The following SORCS1 variants were observed in gnomAD, a reference collection of about 807,000 sequenced individuals.
The protein encoded by SORCS1 is sortilin related VPS10 domain containing receptor 1, also known as VPS10 domain-containing receptor SorCS1.
Under a neutral mutation model 146.1 loss-of-function variants are expected in SORCS1, and 60 were observed. That is an observed-to-expected ratio of 0.41 (90% CI 0.33 to 0.51). The LOEUF (loss-of-function observed/expected upper bound fraction) is 0.51. Among genes scored for constraint, SORCS1 ranks in the 20% least tolerant of loss-of-function variants. The probability of loss-of-function intolerance (pLI) is 0.21; values close to 1 mark genes in which losing one functional copy is unlikely to be tolerated. For synonymous variants in SORCS1, 637 were observed against 584.0 expected, an observed-to-expected ratio of 1.09 and a Z score of -1.31; for missense variants, 1,352 against 1,487.6, an observed-to-expected ratio of 0.91 and a Z score of 1.50.
intron 2 of SORCS1, among the ~76,000 whole-genome samples, chr10:106,941,120 G>A (rs892805784): frequency 3.3e-5 from 5 of 152,146 alleles, no homozygotes; most frequent in Admixed American, 6.5e-5. Flanking sequence ...AAATATTTTG[G>A]GAATTTGTTA....
chr10:106,949,256 G>A (rs147976527), intron 2 of SORCS1, among the ~76,000 whole-genome samples: 2 of 152,226 alleles, frequency 1.3e-5, no homozygotes, highest in African/African-American at 4.8e-5. Flanking sequence ...TTCTTTTTAG[G>A]ATGTGCATAT....
intron 1 of SORCS1, among the ~76,000 whole-genome samples, chr10:107,119,164 A>C (rs1449652887): frequency 6.6e-6 from 1 of 152,250 alleles, no homozygotes; most frequent in Non-Finnish European, 1.5e-5. Context: ...GGAAAAGGCA[A>C]AATATCAAAA....
intron 1 of SORCS1, among the ~76,000 whole-genome samples, chr10:106,990,483 T>C (rs1056414847): frequency 2.6e-5 from 4 of 152,064 alleles, no homozygotes; most frequent in East Asian, 1.9e-4. Flanking sequence ...TTGGCCAGGC[T>C]GGTCTCGAAC....
intron 2 of SORCS1, among the ~76,000 whole-genome samples, chr10:106,939,388 G>A (rs1953917573): frequency 6.8e-6 from 1 of 146,526 alleles, no homozygotes; most frequent in Non-Finnish European, 1.5e-5. Flanking sequence ...AACTCAGATA[G>A]TTCACACTGG....
intron 19 of SORCS1, among the ~76,000 whole-genome samples, chr10:106,625,894 G>A (rs944206882): frequency 3.3e-5 from 5 of 151,944 alleles, no homozygotes; most frequent in African/African-American, 1.2e-4. Flanking sequence ...TGCCCCATCC[G>A]ACTGAAGGCA....
chr10:106,690,052 C>A (rs977024182), intron 9 of SORCS1, among the ~76,000 whole-genome samples: 1 of 152,230 alleles, frequency 6.6e-6, no homozygotes, highest in African/African-American at 2.4e-5. Flanking sequence ...GCCAGACCAA[C>A]TTCTTGTGCA....
At chr10:107,110,994 C>T (rs1262672590) in intron 1 of SORCS1, among the ~76,000 whole-genome samples, 1 of 152,148 alleles carries the variant, frequency 6.6e-6, no homozygotes, top group Non-Finnish European at 1.5e-5. Flanking sequence ...CCCTCGTGGA[C>T]TCATGTGATC....
At chr10:106,949,644 G>T (rs1284929976) in intron 2 of SORCS1, among the ~76,000 whole-genome samples, 2 of 152,200 alleles carry the variant, frequency 1.3e-5, no homozygotes, top group Non-Finnish European at 2.9e-5. Context: ...CACATCAAAA[G>T]CCTAACACAT....
intron 1 of SORCS1, among the ~76,000 whole-genome samples, chr10:106,961,469 C>T (rs977909416): frequency 1.3e-5 from 2 of 152,178 alleles, no homozygotes; most frequent in Non-Finnish European, 2.9e-5. Flanking sequence ...CTATGCTTTT[C>T]TAAACAGAAG....
At chr10:106,673,577 T>C (rs563153131) in intron 14 of SORCS1, among the ~76,000 whole-genome samples, 15 of 152,320 alleles carry the variant, frequency 9.8e-5, no homozygotes, top group African/African-American at 3.6e-4. Flanking sequence ...TTGTACATAT[T>C]GTGCCACAGG....
rs540224536 is a variant in SORCS1 at position 107,003,915 on chromosome 10, C to T, written c.559-47335G>A. ...ATACGGCTGGGTGCGGTGGCTCATGCCTGTAATCCCAGCACTTTGGGAGGC... is the reference window on the plus strand; with the variant it reads ...ATACGGCTGGGTGCGGTGGCTCATGTCTGTAATCCCAGCACTTTGGGAGGC... On this transcript the variant is annotated intron_variant, in intron 1 of 25. Coordinates refer to ENST00000263054, the MANE Select transcript of SORCS1 (RefSeq NM_052918.5). 3.9e-5 allele frequency among the ~76,000 whole-genome samples: 6 copies of T among 152,112 alleles called. No individual in the cohort carries two copies. The South Asian group carries it at 1.2e-3, about 32-fold the overall frequency.
intron 2 of SORCS1, among the ~76,000 whole-genome samples, chr10:106,902,318 A>G (rs942043406): frequency 6.6e-6 from 1 of 152,028 alleles, no homozygotes; most frequent in Non-Finnish European, 1.5e-5. Flanking sequence ...TACAACTCAC[A>G]CCCATATATA....
chr10:106,830,578 C>CT (rs769894046), intron 2 of SORCS1, among the ~76,000 whole-genome samples: 1,811 of 135,540 alleles, frequency 0.013, 37 homozygotes, highest in African/African-American at 0.048. Flanking sequence ...TTTTTTTTTC[C>CT]TTTTTTTTTT....
At chr10:106,820,517 C>T (rs1385341084) in intron 3 of SORCS1, among the ~76,000 whole-genome samples, 3 of 152,138 alleles carry the variant, frequency 2.0e-5, no homozygotes, top group East Asian at 3.9e-4. Context: ...TGAATGGAAA[C>T]AATTTAGCCC....
intron 2 of SORCS1, among the ~76,000 whole-genome samples, chr10:106,916,080 T>A (rs932210814): frequency 6.6e-6 from 1 of 152,238 alleles, no homozygotes; most frequent in Admixed American, 6.5e-5. Context: ...AAATCTTCCC[T>A]GTCACTCTTG....
intron 4 of SORCS1, among the ~76,000 whole-genome samples, chr10:106,776,110 T>G (rs751976011): frequency 1.4e-4 from 22 of 152,236 alleles, no homozygotes; most frequent in Non-Finnish European, 2.6e-4. Context: ...CTCAGTGTTT[T>G]AGAACAACCC....
At chr10:107,126,829 G>A (rs1175490707) in intron 1 of SORCS1, among the ~76,000 whole-genome samples, 1 of 152,002 alleles carries the variant, frequency 6.6e-6, no homozygotes, top group African/African-American at 2.4e-5. Context: ...CAAGCAGAAG[G>A]GACACAGTCT....
rs1005575140 is a variant in SORCS1 at position 106,578,659 on chromosome 10, A to G, written c.3371+710T>C. 5 of 1,000,554 alleles carry G rather than the reference A, an allele frequency of 5.0e-6. No homozygotes were observed. In the African/African-American group the frequency reaches 8.7e-5, roughly 17 times the overall value. The allele number at this position is 1,000,554 out of a possible 1,614,324, so 62.0% of individuals were successfully genotyped here. ...GTTCCAGAGCAGTTTGCCCTCCTTA[A>G]GAGCTGTATCCAGTTGAGGCTACCA... On this transcript the variant is annotated intron_variant, in intron 25 of 25. Coordinates refer to ENST00000263054, the MANE Select transcript of SORCS1 (RefSeq NM_052918.5).
chr10:107,156,839 A>G (rs1282540398), intron 1 of SORCS1, among the ~76,000 whole-genome samples: 1 of 152,184 alleles, frequency 6.6e-6, no homozygotes, highest in African/African-American at 2.4e-5. Flanking sequence ...TTCTACCCCA[A>G]GCCGCTATTG....
Sources: allele counts gnomAD v4.1 joint callset (sites outside exome capture counted in the v4.1 genomes callset), GRCh38; gene constraint gnomAD v4.1.1; transcripts MANE v1.5; gene names NCBI Gene and HGNC (gene_info 2026-07-23, HGNC 2026-07-21).